The following SEPTIN10 variants were observed in gnomAD, a reference collection of about 807,000 sequenced individuals.
SEPTIN10 encodes the protein septin-10.
In SEPTIN10, 66 loss-of-function variants were observed where a neutral mutation model predicts 54.8. The observed-to-expected ratio is 1.21, with a 90% confidence interval of 0.99 to 1.48. SEPTIN10 has a LOEUF of 1.48. SEPTIN10 is among the 40% of genes most tolerant of loss of function. The pLI is 0.00. For missense variants in SEPTIN10, 620 were observed against 545.6 expected, an observed-to-expected ratio of 1.14 and a Z score of -1.36; for synonymous variants, 161 against 181.0, an observed-to-expected ratio of 0.89 and a Z score of 0.89.
At chr2:109,566,000 A>C (rs1399450635) in intron 6 of SEPTIN10, 141 bp from the exon 7 acceptor site, 35 of 730,746 alleles carry the variant, frequency 4.8e-5, no homozygotes, top group African/African-American at 3.5e-5. Context: ...AGATTTTAAA[A>C]CCTGCCAGTG....
chr2:109,609,057 C>T (rs1175697644), intron 1 of SEPTIN10, among the ~76,000 whole-genome samples: 1 of 152,158 alleles, frequency 6.6e-6, no homozygotes, highest in Non-Finnish European at 1.5e-5. Context: ...ATCAATCAAT[C>T]AATCAATTAA....
At position 109,545,486 on chromosome 2, in the gene SEPTIN10, T is replaced by C. The variant is rs959613430; in HGVS notation, c.1349+564A>G. The C allele has an allele frequency of 4.3e-5, 66 of 1,536,044 alleles. No homozygotes were observed. The East Asian group carries it at 8.5e-4, about 20-fold the overall frequency. On this transcript the variant is annotated intron_variant, in intron 10 of 10. Coordinates refer to ENST00000397712, the MANE Select transcript of SEPTIN10 (RefSeq NM_144710.5). ...TTTCTCTGCGTCTTTACGTCCACCA[T>C]TGGTTTCACAAGCTCTGACATCAAT...
In SEPTIN10 at chr2:109,544,019, G is replaced by A. The variant is rs913902687; in HGVS notation, c.*290C>T. 6 of 785,588 alleles carry A rather than the reference G, an allele frequency of 7.6e-6. No homozygotes were observed. The African/African-American group carries it at 8.9e-5, about 12-fold the overall frequency. 48.7% of individuals were successfully genotyped at this position (785,588 alleles called of 1,614,324 possible). A position where few individuals can be genotyped will look rare whatever the true frequency, so the allele number is the denominator to read the frequency against. ...CCATCAGAAAGCAAAGGTGTCGGGT[G>A]GGGAATTTTCCACTTGTGGGGTCAA... On this transcript the variant is annotated 3_prime_UTR_variant, in exon 11 of 11. Transcript: ENST00000397712.
intron 9 of SEPTIN10, 108 bp from the exon 10 acceptor site, chr2:109,546,345 TAC>T (rs1681240327): frequency 6.8e-6 from 4 of 585,188 alleles, no homozygotes; most frequent in Non-Finnish European, 8.3e-6. Context: ...CAGAATAACC[TAC>T]ACAGTCAAAA....
At chr2:109,549,650 C>T (rs529331505) in intron 9 of SEPTIN10, among the ~76,000 whole-genome samples, 20 of 152,290 alleles carry the variant, frequency 1.3e-4, no homozygotes, top group South Asian at 2.1e-4. Flanking sequence ...CAGTATGGTA[C>T]GATAGTCCCC....
chr2:109,606,487 C>G (rs1697985646), intron 1 of SEPTIN10, among the ~76,000 whole-genome samples: 1 of 152,054 alleles, frequency 6.6e-6, no homozygotes, highest in South Asian at 2.1e-4. Context: ...ACTTCAGCAT[C>G]TGGTAGCATT....
Position 109,574,443 on chromosome 2 carries a change from T to TAAAA in SEPTIN10, c.600+134_600+137dup, listed in dbSNP as rs55980206. The TAAAA allele has an allele frequency of 3.4e-3, 930 of 270,770 alleles. 1 individual carries two copies. Among genetic ancestry groups the TAAAA allele is most frequent in the East Asian group, 9.2e-3 (142 of 15,396 alleles). 16.8% of individuals were successfully genotyped at this position (270,770 alleles called of 1,614,324 possible). ...CTGGGTGACAGAGTGACTTTATCTC[T>TAAAA]AAAAAAAAAAAAAAAAAAAAAAATT... On this transcript the variant is annotated intron_variant, in intron 5 of 10. Coordinates refer to ENST00000397712, the MANE Select transcript of SEPTIN10 (RefSeq NM_144710.5).
intron 2 of SEPTIN10, among the ~76,000 whole-genome samples, chr2:109,586,212 G>A (rs981347512): frequency 6.6e-6 from 1 of 152,000 alleles, no homozygotes; most frequent in Non-Finnish European, 1.5e-5. Flanking sequence ...TGAAAAAAAA[G>A]CACAAAACAA....
At chr2:109,588,178 GACA>G (rs1428096179) in intron 2 of SEPTIN10, among the ~76,000 whole-genome samples, 1 of 150,788 alleles carries the variant, frequency 6.6e-6, no homozygotes, top group Non-Finnish European at 1.5e-5. Flanking sequence ...GCAAAATGAA[GACA>G]ACTTCAGATA....
chr2:109,573,144 G>A (rs1462601793), intron 5 of SEPTIN10, among the ~76,000 whole-genome samples: 1 of 151,934 alleles, frequency 6.6e-6, no homozygotes, highest in East Asian at 1.9e-4. Flanking sequence ...TTTCATATCT[G>A]CCTCTTGAGG....
intron 8 of SEPTIN10, among the ~76,000 whole-genome samples, chr2:109,554,258 A>G (rs1426340150): frequency 6.6e-6 from 1 of 152,206 alleles, no homozygotes; most frequent in East Asian, 1.9e-4. Flanking sequence ...TCCTACCACG[A>G]TGTAATTCAA....
At chr2:109,586,977 A>G (rs990808954) in intron 2 of SEPTIN10, among the ~76,000 whole-genome samples, 8 of 152,212 alleles carry the variant, frequency 5.3e-5, no homozygotes, top group African/African-American at 1.9e-4. Context: ...TATCTACTAT[A>G]CAATAAAAAA....
intron 4 of SEPTIN10, among the ~76,000 whole-genome samples, chr2:109,578,514 C>T (rs1470067776): frequency 7.7e-6 from 1 of 129,134 alleles, no homozygotes; most frequent in Non-Finnish European, 1.6e-5. Context: ...GCCTGTAATC[C>T]CAGCACTTTG....
intron 7 of SEPTIN10, among the ~76,000 whole-genome samples, chr2:109,565,068 T>C (rs186188150): frequency 1.3e-3 from 195 of 152,328 alleles, no homozygotes; most frequent in African/African-American, 4.5e-3. Context: ...CCTTCTTCTA[T>C]GTTTACGGTG....
intron 1 of SEPTIN10, chr2:109,613,287 C>G (rs955955019): frequency 3.9e-6 from 3 of 769,410 alleles, no homozygotes; most frequent in South Asian, 2.1e-5. Context: ...AGAGTCAAGG[C>G]GGGAAAAAAA....
At chr2:109,578,248 A>T (rs1690187347) in intron 4 of SEPTIN10, among the ~76,000 whole-genome samples, 1 of 152,210 alleles carries the variant, frequency 6.6e-6, no homozygotes, top group Non-Finnish European at 1.5e-5. Flanking sequence ...AACCATTGTC[A>T]GATTGTGTTT....
chr2:109,612,023 TA>T (rs1398641408), intron 1 of SEPTIN10, among the ~76,000 whole-genome samples: 1 of 152,148 alleles, frequency 6.6e-6, no homozygotes, highest in Admixed American at 6.5e-5. Context: ...CATTATGAGT[TA>T]CTGTACATGA....
In SEPTIN10 at chr2:109,585,742, A is replaced by G. The variant is rs1425863794; in HGVS notation, c.196T>C (p.Cys66Arg). ...LVNRSIQQGF[C>R]FNILCVGETG... Reference sequence around the variant, plus strand: ...GTACCCACACAGAGAATATTAAAGCAGAAACCTTGCTGAATGGATCTGTTC... The same window carrying G: ...GTACCCACACAGAGAATATTAAAGCGGAAACCTTGCTGAATGGATCTGTTC... The change falls in exon 3 of 11, where the codon TGC (cysteine) becomes CGC (arginine). Residue 66 changes from cysteine (C) to arginine (R), a missense_variant. Cys to Arg is a radical substitution (Grantham distance 180, BLOSUM62 -3). Coordinates refer to ENST00000397712, the MANE Select transcript of SEPTIN10 (RefSeq NM_144710.5). The G allele has an allele frequency of 1.2e-6, 2 of 1,613,178 alleles. No individual in the cohort carries two copies. Among genetic ancestry groups the G allele is most frequent in the Admixed American group, 3.3e-5 (2 of 59,998 alleles).
intron 1 of SEPTIN10, among the ~76,000 whole-genome samples, chr2:109,600,812 A>C (rs1244238850): frequency 6.6e-6 from 1 of 152,264 alleles, no homozygotes; most frequent in African/African-American, 2.4e-5. Context: ...TGCTTCTAAC[A>C]AATGGCTAGA....
Sources: allele counts gnomAD v4.1 joint callset (sites outside exome capture counted in the v4.1 genomes callset), GRCh38; gene constraint gnomAD v4.1.1; transcripts MANE v1.5; gene names NCBI Gene and HGNC (gene_info 2026-07-23, HGNC 2026-07-21).